TMEM267: variants seen among roughly 807,000 people sequenced by gnomAD.
TMEM267 encodes the protein transmembrane protein C5orf28.
A neutral mutation model predicts 19.3 loss-of-function variants in TMEM267; 20 were observed. The ratio of observed to expected loss-of-function variants is 1.04; its 90% confidence interval spans 0.73 to 1.51. The LOEUF (loss-of-function observed/expected upper bound fraction) is 1.51, where lower values mean the gene tolerates loss of function less well. Ranked by LOEUF, TMEM267 falls within the 40% of genes most tolerant of loss-of-function variation. The probability of loss-of-function intolerance (pLI) is 0.00; values close to 1 mark genes in which losing one functional copy is unlikely to be tolerated. For missense variants in TMEM267, 242 were observed against 261.9 expected, an observed-to-expected ratio of 0.92 and a Z score of 0.52; for synonymous variants, 88 against 90.3, an observed-to-expected ratio of 0.97 and a Z score of 0.15.
chr5:43,454,957 AAAG>A (rs1436296373), intron 1 of TMEM267, among the ~76,000 whole-genome samples: 1 of 152,224 alleles, frequency 6.6e-6, no homozygotes, highest in African/African-American at 2.4e-5. Context: ...TCCTGAGACT[AAAG>A]AATAACTGAT....
intron 1 of TMEM267, among the ~76,000 whole-genome samples, chr5:43,481,329 T>C (rs1377878724): frequency 6.6e-6 from 1 of 151,802 alleles, no homozygotes. Context: ...CTTCAGCTCC[T>C]GGCCTCAAGT....
At chr5:43,466,147 C>A (rs1743658192) in intron 1 of TMEM267, among the ~76,000 whole-genome samples, 1 of 152,012 alleles carries the variant, frequency 6.6e-6, no homozygotes, top group African/African-American at 2.4e-5. Flanking sequence ...GTACAAGAAG[C>A]TTGTAGAACA....
At chr5:43,480,523 A>C (rs1307250267) in intron 1 of TMEM267, among the ~76,000 whole-genome samples, 1 of 151,096 alleles carries the variant, frequency 6.6e-6, no homozygotes, top group Non-Finnish European at 1.5e-5. Flanking sequence ...GGGTCCCTCT[A>C]TGTTGTCCAG....
At chr5:43,475,683 A>C (rs570742169) in intron 1 of TMEM267, among the ~76,000 whole-genome samples, 1 of 152,296 alleles carries the variant, frequency 6.6e-6, no homozygotes, top group South Asian at 2.1e-4. Flanking sequence ...TGCAGGTGAA[A>C]TGACTGCCTA....
intron 1 of TMEM267, among the ~76,000 whole-genome samples, chr5:43,482,196 A>G (rs1342266786): frequency 6.6e-6 from 1 of 152,190 alleles, no homozygotes; most frequent in African/African-American, 2.4e-5. Flanking sequence ...ATTACACAAT[A>G]GATACGTAGA....
intron 1 of TMEM267, among the ~76,000 whole-genome samples, chr5:43,455,332 A>C (rs1742880554): frequency 6.6e-6 from 1 of 151,170 alleles, no homozygotes; most frequent in Admixed American, 6.6e-5. Context: ...CTGAGGTGGG[A>C]GGATCGCTTA....
chr5:43,476,998 C>A, intron 1 of TMEM267, among the ~76,000 whole-genome samples: 1 of 146,134 alleles, frequency 6.8e-6, no homozygotes. Flanking sequence ...TTGAAACCAA[C>A]CTGGGCAACA....
At chr5:43,462,533 A>T (rs767202165) in intron 1 of TMEM267, among the ~76,000 whole-genome samples, 4 of 152,228 alleles carry the variant, frequency 2.6e-5, no homozygotes, top group Non-Finnish European at 5.9e-5. Context: ...AAGAAATTCA[A>T]GATAACACAG....
chr5:43,479,405 TA>T (rs2112217754), intron 1 of TMEM267, among the ~76,000 whole-genome samples: 1 of 152,056 alleles, frequency 6.6e-6, no homozygotes, highest in South Asian at 2.1e-4. Context: ...ATAAAACCAA[TA>T]AAGCTACTTT....
intron 1 of TMEM267, among the ~76,000 whole-genome samples, chr5:43,472,274 C>T (rs573567882): frequency 8.6e-5 from 13 of 151,798 alleles, no homozygotes; most frequent in Non-Finnish European, 1.6e-4. Flanking sequence ...GGCTTATATC[C>T]AAAAGACAGG....
chr5:43,466,754 A>T lies in TMEM267; in HGVS notation c.-74-12711T>A, dbSNP rs575171821. On this transcript the variant is annotated intron_variant, in intron 1 of 2. Transcript: ENST00000397080. ...ATCTACAAACCTCATAATAACCTCAAACCAAAAAACATGCAATGAATACAC... is the reference window on the plus strand; with the variant it reads ...ATCTACAAACCTCATAATAACCTCATACCAAAAAACATGCAATGAATACAC... Among the ~76,000 whole-genome samples the T allele has an allele frequency of 2.0e-5, 3 of 152,298 alleles. No individual in the cohort carries two copies. The South Asian group carries it at 6.2e-4, about 32-fold the overall frequency.
At chr5:43,463,548 C>G (rs1011335505) in intron 1 of TMEM267, among the ~76,000 whole-genome samples, 3 of 152,142 alleles carry the variant, frequency 2.0e-5, no homozygotes, top group Non-Finnish European at 4.4e-5. Context: ...CAATAAAATA[C>G]TGGCAAACCG....
At chr5:43,465,590 C>A (rs4866745) in intron 1 of TMEM267, among the ~76,000 whole-genome samples, 92,715 of 151,756 alleles carry the variant, frequency 0.61, 31,001 homozygotes, top group African/African-American at 0.89. Flanking sequence ...GGATTAAGAA[C>A]ATGTGGCACA....
At position 43,483,804 on chromosome 5, in the gene TMEM267, C is replaced by T; in HGVS notation, c.-75+18G>A. The T allele has an allele frequency of 6.6e-6, 1 of 152,632 alleles. No homozygotes were observed. The highest frequency in any genetic ancestry group is 1.5e-5 in the Non-Finnish European group (1 of 68,312). The allele number at this position is 152,632 out of a possible 1,614,324, so 9.5% of individuals were successfully genotyped here. A position where few individuals can be genotyped will look rare whatever the true frequency, so the allele number is the denominator to read the frequency against. The stretch of plus-strand genomic sequence containing the variant: ...GCCCCCTCCCCTCAGTCCCACGCAG[C>T]GGCTCAGCCATACCCACCCCGGCTT... On this transcript the variant is annotated intron_variant, in intron 1 of 2. Coordinates refer to ENST00000397080, the MANE Select transcript of TMEM267 (RefSeq NM_022483.5).
chr5:43,483,660 C>T (rs1467415354), intron 1 of TMEM267, among the ~76,000 whole-genome samples, 162 bp downstream of exon 1: 1 of 152,206 alleles, frequency 6.6e-6, no homozygotes, highest in East Asian at 1.9e-4. Context: ...TCCTGGCTCC[C>T]GCGTGGCGGC....
chr5:43,455,629 C>T (rs1742901897), intron 1 of TMEM267, among the ~76,000 whole-genome samples: 1 of 152,110 alleles, frequency 6.6e-6, no homozygotes, highest in Admixed American at 6.5e-5. Context: ...CTCGCTGCAA[C>T]CTCTGCCTCC....
chr5:43,447,007 C>G (rs1254833163), intron 2 of TMEM267, among the ~76,000 whole-genome samples: 1 of 151,802 alleles, frequency 6.6e-6, no homozygotes, highest in Non-Finnish European at 1.5e-5. Flanking sequence ...TAGCTATAAA[C>G]ACTTTTGGAA....
Position 43,453,856 on chromosome 5 carries a change from C to A in TMEM267, c.114G>T (p.Gln38His). The A allele has an allele frequency of 6.2e-7, 1 of 1,614,054 alleles. No individual in the cohort carries two copies. Among genetic ancestry groups the A allele is most frequent in the Non-Finnish European group, 8.5e-7 (1 of 1,179,976 alleles). ...AFCLVADRLLQFSTIQQNDWL... is the reference protein window; with the variant it reads ...AFCLVADRLLHFSTIQQNDWL... ...AGTCATTTTGCTGAATTGTGGAAAA[C>A]TGAAGAAGTCTGTCAGCTACGAGGC... The change falls in exon 2 of 3, where the codon CAG (glutamine) becomes CAT (histidine). Residue 38 changes from glutamine to histidine, a missense_variant. Physicochemically the swap from Gln to His is conservative, Grantham distance 24. Transcript: ENST00000397080.
At chr5:43,459,551 CAA>C (rs1209036941) in intron 1 of TMEM267, among the ~76,000 whole-genome samples, 19 of 151,886 alleles carry the variant, frequency 1.3e-4, no homozygotes, top group Non-Finnish European at 2.6e-4. Context: ...GAAATACAAA[CAA>C]AATTAAGTAG....
Sources: allele counts gnomAD v4.1 joint callset (sites outside exome capture counted in the v4.1 genomes callset), GRCh38; gene constraint gnomAD v4.1.1; transcripts MANE v1.5; gene names NCBI Gene and HGNC (gene_info 2026-07-23, HGNC 2026-07-21).